Variants in PEBP4 observed in about 807,000 individuals in gnomAD.
The protein encoded by PEBP4 is phosphatidylethanolamine-binding protein 4.
A neutral mutation model predicts 23.9 loss-of-function variants in PEBP4; 22 were observed. That is an observed-to-expected ratio of 0.92 (90% CI 0.66 to 1.31). The LOEUF (loss-of-function observed/expected upper bound fraction) is 1.31. PEBP4 is among the 40% of genes most tolerant of loss of function. The probability of loss-of-function intolerance (pLI) is 0.00; values close to 1 mark genes in which losing one functional copy is unlikely to be tolerated. For missense variants in PEBP4, 324 were observed against 281.7 expected (o/e 1.15, Z -1.07); for synonymous variants, 112 against 99.3 (o/e 1.13, Z -0.76).
intron 3 of PEBP4, among the ~76,000 whole-genome samples, chr8:22,863,694 C>T (rs567515612): frequency 2.0e-5 from 3 of 152,266 alleles, no homozygotes; most frequent in Admixed American, 2.0e-4. Flanking sequence ...TTGCTAGTTG[C>T]CATAGCAGAG....
intron 4 of PEBP4, among the ~76,000 whole-genome samples, chr8:22,728,684 G>C (rs538161828): frequency 6.6e-6 from 1 of 150,500 alleles, no homozygotes; most frequent in African/African-American, 2.5e-5. Context: ...TGCAACCTCC[G>C]CCTCCCAGGT....
At chr8:22,740,234 T>C (rs1376520335) in intron 4 of PEBP4, among the ~76,000 whole-genome samples, 1 of 152,224 alleles carries the variant, frequency 6.6e-6, no homozygotes, top group Non-Finnish European at 1.5e-5. Flanking sequence ...GAAAAGATGC[T>C]GGCGAGATTT....
At chr8:22,825,007 C>T (rs889847156) in intron 3 of PEBP4, among the ~76,000 whole-genome samples, 3 of 152,128 alleles carry the variant, frequency 2.0e-5, no homozygotes, top group Non-Finnish European at 4.4e-5. Context: ...TGAGGTTTAC[C>T]CTAGATCTCC....
intron 4 of PEBP4, among the ~76,000 whole-genome samples, chr8:22,729,244 CCCGAGCAAGATGGAGAGTTCTAGGG>C (rs1467788092): frequency 6.6e-6 from 1 of 152,254 alleles, no homozygotes; most frequent in Non-Finnish European, 1.5e-5. Context: ...TCTTCTGCCA[CCCGAGCAAGATGGAGAGTTCTAGGG>C]CTGAGCGCAG....
At chr8:22,755,490 C>T (rs1395054061) in intron 4 of PEBP4, among the ~76,000 whole-genome samples, 1 of 152,046 alleles carries the variant, frequency 6.6e-6, no homozygotes, top group Admixed American at 6.6e-5. Context: ...TGCCCGCCAC[C>T]ACACTCAGCT....
intron 4 of PEBP4, among the ~76,000 whole-genome samples, chr8:22,787,472 G>A (rs1806050812): frequency 6.6e-6 from 1 of 152,170 alleles, no homozygotes; most frequent in African/African-American, 2.4e-5. Context: ...ACATTTTGAT[G>A]GGCGAGTTTT....
At chr8:22,823,449 G>T (rs1806900228) in intron 3 of PEBP4, among the ~76,000 whole-genome samples, 1 of 151,808 alleles carries the variant, frequency 6.6e-6, no homozygotes, top group Admixed American at 6.6e-5. Context: ...ACTCATATAA[G>T]AAATTTTCTA....
intron 1 of PEBP4, among the ~76,000 whole-genome samples, chr8:22,937,980 C>G (rs562231532): frequency 7.2e-5 from 11 of 152,214 alleles, no homozygotes; most frequent in African/African-American, 1.7e-4. Flanking sequence ...CCACAAAACT[C>G]TTAGAATAAA....
At chr8:22,835,368 C>A (rs1259777927) in intron 3 of PEBP4, among the ~76,000 whole-genome samples, 1 of 152,234 alleles carries the variant, frequency 6.6e-6, no homozygotes, top group East Asian at 1.9e-4. Flanking sequence ...ACCTTGACAG[C>A]CGGAAGACTT....
chr8:22,871,271 C>G (rs1001932053), intron 3 of PEBP4, among the ~76,000 whole-genome samples: 2 of 152,110 alleles, frequency 1.3e-5, no homozygotes. Context: ...AAGGACAGTT[C>G]CCCTCTAGGC....
intron 4 of PEBP4, among the ~76,000 whole-genome samples, chr8:22,780,626 A>T (rs1354426694): frequency 6.6e-6 from 1 of 152,122 alleles, no homozygotes; most frequent in Non-Finnish European, 1.5e-5. Flanking sequence ...CTGCGATGGA[A>T]GTTATAAGGC....
chr8:22,799,275 A>C (rs888765574), intron 4 of PEBP4, among the ~76,000 whole-genome samples: 1 of 152,238 alleles, frequency 6.6e-6, no homozygotes, highest in African/African-American at 2.4e-5. Context: ...TGGCCCAGCC[A>C]AAAGTCCAGT....
intron 3 of PEBP4, among the ~76,000 whole-genome samples, chr8:22,837,493 C>T (rs1452398178): frequency 1.3e-5 from 2 of 152,196 alleles, no homozygotes; most frequent in African/African-American, 2.4e-5. Flanking sequence ...AAGAACAACT[C>T]GCTACAGACT....
At chr8:22,905,504 G>A (rs1373208071) in intron 3 of PEBP4, among the ~76,000 whole-genome samples, 1 of 151,918 alleles carries the variant, frequency 6.6e-6, no homozygotes, top group Non-Finnish European at 1.5e-5. Flanking sequence ...TTATACCTAG[G>A]CAGACCTTTT....
At chr8:22,850,822 G>A (rs1453804663) in intron 3 of PEBP4, among the ~76,000 whole-genome samples, 1 of 152,196 alleles carries the variant, frequency 6.6e-6, no homozygotes, top group Non-Finnish European at 1.5e-5. Flanking sequence ...ACCTCAGGGA[G>A]GGGTAGGAGG....
intron 6 of PEBP4, among the ~76,000 whole-genome samples, chr8:22,715,821 C>T (rs941243647): frequency 2.0e-5 from 3 of 152,188 alleles, no homozygotes; most frequent in Non-Finnish European, 2.9e-5. Context: ...CCACAGAGGG[C>T]AAGTTCTAGA....
At chr8:22,932,150 T>C (rs1171320226), upstream of PEBP4, among the ~76,000 whole-genome samples, 2 of 152,166 alleles carry the variant, frequency 1.3e-5, no homozygotes, top group Non-Finnish European at 2.9e-5. Flanking sequence ...AAAGAGGACA[T>C]ATTGTATGAT....
intron 4 of PEBP4, among the ~76,000 whole-genome samples, chr8:22,739,663 C>A (rs546157424): frequency 1.3e-5 from 2 of 152,160 alleles, no homozygotes; most frequent in African/African-American, 4.8e-5. Flanking sequence ...CTGACTGATG[C>A]CCCCCTCCCC....
chr8:22,906,808 A>G (rs1201501142), intron 3 of PEBP4, among the ~76,000 whole-genome samples: 1 of 152,268 alleles, frequency 6.6e-6, no homozygotes. Context: ...TGAATAAACC[A>G]GACAAAGATT....
Sources: gnomAD v4.1 joint callset for allele counts (sites outside exome capture counted in the v4.1 genomes callset) on GRCh38, gnomAD v4.1.1 for gene constraint, MANE v1.5 for transcripts, NCBI Gene and HGNC (gene_info 2026-07-23, HGNC 2026-07-21) for gene names.